Variants in SH3YL1 observed in about 807,000 individuals in gnomAD.
SH3YL1 encodes the protein SH3 and SYLF domain containing 1, also known as SH3 domain-containing YSC84-like protein 1.
SH3YL1 carries 41 observed loss-of-function variants against 45.8 expected under a neutral mutation model. The observed-to-expected ratio is 0.89, with a 90% CI of 0.70 to 1.16. The LOEUF is 1.16. Among genes scored for constraint, SH3YL1 ranks in the 50% most tolerant of loss-of-function variants. The probability of loss-of-function intolerance (pLI) is 0.00; values close to 1 mark genes in which losing one functional copy is unlikely to be tolerated. For synonymous variants in SH3YL1, 152 were observed against 151.4 expected (o/e 1.00, Z -0.03); for missense variants, 389 against 409.6 (o/e 0.95, Z 0.43).
chr2:259,314 T>C (rs572584365), intron 1 of SH3YL1: 1 of 152,358 alleles, frequency 6.6e-6, no homozygotes, highest in South Asian at 2.1e-4. Flanking sequence ...CAAAGGTTTC[T>C]CATGCACCTT....
intron 1 of SH3YL1, chr2:262,662 T>C (rs1669632437): frequency 7.7e-7 from 1 of 1,304,276 alleles, no homozygotes; most frequent in Non-Finnish European, 1.0e-6. Context: ...CAGGGACTTG[T>C]GAGGCTCTCA....
At chr2:253,902 A>C (rs1187207437) in intron 1 of SH3YL1, among the ~76,000 whole-genome samples, 1 of 151,972 alleles carries the variant, frequency 6.6e-6, no homozygotes, top group African/African-American at 2.4e-5. Flanking sequence ...TATCATCTCT[A>C]TTTCTCCTAA....
intron 1 of SH3YL1, among the ~76,000 whole-genome samples, chr2:258,260 A>G (rs1669441650): frequency 1.3e-5 from 2 of 152,228 alleles, no homozygotes. Context: ...GGCAATTTTA[A>G]TAATGTTGAT....
chr2:243,356 T>A (rs1668631406), intron 4 of SH3YL1: 1 of 816,788 alleles, frequency 1.2e-6, no homozygotes. Flanking sequence ...GAATGAAATT[T>A]GAAATCAAGG....
At chr2:251,446 A>G (rs1243807073) in intron 2 of SH3YL1, among the ~76,000 whole-genome samples, 1 of 152,218 alleles carries the variant, frequency 6.6e-6, no homozygotes, top group African/African-American at 2.4e-5. Flanking sequence ...TGGAACTTCC[A>G]TCGTTGCCAC....
intron 4 of SH3YL1, 73 bp from the exon 5 acceptor site, chr2:234,345 C>A: frequency 9.2e-7 from 1 of 1,090,162 alleles, no homozygotes. Context: ...TTGACTAACA[C>A]TCAACTACAC....
chr2:231,127 C>T lies in SH3YL1; in HGVS notation c.598G>A (p.Ala200Thr), dbSNP rs968837112. 6.2e-6 allele frequency: 10 copies of T among 1,613,976 alleles called. No individual in the cohort carries two copies. The highest frequency in any genetic ancestry group is 1.6e-4 in the Middle Eastern group (1 of 6,084). ...TCAAGAATTTCATAAAGATCTTCGG[C>T]TTGAGCAGGCCGCGGTGTATCTCCA... ...LFGDTPRPAQ[A>T]EDLYEILDSF... Residue 200 changes from alanine to threonine, a missense_variant, in exon 7 of 10, where the codon GCC (alanine) becomes ACC (threonine). Coordinates refer to ENST00000356150, the MANE Select transcript of SH3YL1 (RefSeq NM_015677.4).
At chr2:264,783 G>T (rs1248003928), upstream of SH3YL1, 5 of 638,896 alleles carry the variant, frequency 7.8e-6, no homozygotes, top group East Asian at 3.2e-5. Flanking sequence ...TCCTACTACC[G>T]TCATAGGACC....
intron 1 of SH3YL1, chr2:263,671 G>A (rs1015576063): frequency 5.7e-6 from 2 of 351,658 alleles, no homozygotes; most frequent in South Asian, 1.1e-4. Context: ...CTGTGGAACG[G>A]AAGGATGGTC....
intron 1 of SH3YL1, among the ~76,000 whole-genome samples, chr2:261,986 A>G (rs1033931166): frequency 3.9e-5 from 6 of 152,234 alleles, no homozygotes; most frequent in Non-Finnish European, 7.3e-5. Flanking sequence ...TTAACTCATT[A>G]AACTGATAAA....
chr2:262,455 C>T (rs1669622386), intron 1 of SH3YL1: 2 of 510,100 alleles, frequency 3.9e-6, no homozygotes, highest in Non-Finnish European at 6.2e-6. Flanking sequence ...TTTATTCCTG[C>T]CCTTCCTCTT....
At chr2:248,450 C>T (rs145034005) in intron 3 of SH3YL1, among the ~76,000 whole-genome samples, 81 of 152,146 alleles carry the variant, frequency 5.3e-4, no homozygotes, top group African/African-American at 1.9e-3. Context: ...AGGAACTGTC[C>T]CTGTGTTAAG....
At chr2:263,918 T>A (rs769862387) in intron 1 of SH3YL1, 66 bp downstream of exon 1, 123 of 1,373,462 alleles carry the variant, frequency 9.0e-5, no homozygotes, top group Non-Finnish European at 1.2e-4. Flanking sequence ...GTCCTCCTCC[T>A]CCCACCACCG....
intron 9 of SH3YL1, 50 bp downstream of exon 9, chr2:224,814 A>G (rs1667724300): frequency 1.5e-6 from 2 of 1,360,270 alleles, no homozygotes; most frequent in African/African-American, 1.4e-5. Context: ...GAAGTTTGTG[A>G]TCACAAAATG....
At chr2:249,487 A>G (rs1335554271) in intron 3 of SH3YL1, among the ~76,000 whole-genome samples, 1 of 152,226 alleles carries the variant, frequency 6.6e-6, no homozygotes, top group East Asian at 1.9e-4. Flanking sequence ...AATGCATGCA[A>G]AACAAAGTTA....
At chr2:229,937 T>C (rs1553291517) in intron 8 of SH3YL1, 29 bp downstream of exon 8, 2 of 1,542,054 alleles carry the variant, frequency 1.3e-6, no homozygotes, top group Admixed American at 1.7e-5. Flanking sequence ...TAATTACAAC[T>C]GTATTTGAAT....
chr2:248,360 T>C (rs1186747032), intron 3 of SH3YL1, among the ~76,000 whole-genome samples: 1 of 152,156 alleles, frequency 6.6e-6, no homozygotes, highest in Admixed American at 6.6e-5. Flanking sequence ...TGCTGAAATA[T>C]ATCCAGAACT....
Position 263,964 on chromosome 2 carries a change from G to A in SH3YL1, c.1+20C>T, listed in dbSNP as rs1669721599. The stretch of plus-strand genomic sequence containing the variant: ...GAGAGGGGAGGGTGCTGCCGGACAG[G>A]TGGGTCCCCGGGTACTCACTGCTGC... On this transcript the variant is annotated intron_variant, in intron 1 of 9. Transcript: ENST00000356150. 2 of 1,508,864 alleles carry A rather than the reference G, an allele frequency of 1.3e-6. No homozygotes were observed. Among genetic ancestry groups the A allele is most frequent in the Non-Finnish European group, 1.8e-6 (2 of 1,123,972 alleles). 93.5% of individuals were successfully genotyped at this position (1,508,864 alleles called of 1,614,324 possible).
At position 218,767 on chromosome 2, in the gene SH3YL1, AAATAAT is replaced by A; in HGVS notation, c.*38_*43del. On this transcript the variant is annotated 3_prime_UTR_variant, in exon 10 of 10. Coordinates refer to ENST00000356150, the MANE Select transcript of SH3YL1 (RefSeq NM_015677.4). ...TAACTAGTAAATCCTGTCAGTGTAGAAATAATTTTTTTGTAATTCTCAAAGAAGAAA... is the reference window on the plus strand; with the variant it reads ...TAACTAGTAAATCCTGTCAGTGTAGATTTTTTGTAATTCTCAAAGAAGAAA... 6.8e-7 allele frequency: 1 copy of A among 1,480,446 alleles called. No homozygotes were observed. The highest frequency in any genetic ancestry group is 9.1e-7 in the Non-Finnish European group (1 of 1,093,332). The allele number at this position is 1,480,446 out of a possible 1,614,324, so 91.7% of individuals were successfully genotyped here. A position where few individuals can be genotyped will look rare whatever the true frequency, so the allele number is the denominator to read the frequency against.
Sources: allele counts gnomAD v4.1 joint callset (sites outside exome capture counted in the v4.1 genomes callset), GRCh38; gene constraint gnomAD v4.1.1; transcripts MANE v1.5; gene names NCBI Gene and HGNC (gene_info 2026-07-23, HGNC 2026-07-21).